DSCAM: variants seen among roughly 807,000 people sequenced by gnomAD.
DSCAM encodes the protein cell adhesion molecule DSCAM.
Under a neutral mutation model 217.7 loss-of-function variants are expected in DSCAM, and 47 were observed. That is an observed-to-expected ratio of 0.22 (90% confidence interval 0.17 to 0.28). DSCAM has a LOEUF of 0.28. DSCAM is among the 10% of genes least tolerant of loss of function. The probability of loss-of-function intolerance (pLI) is 1.00; values close to 1 mark genes in which losing one functional copy is unlikely to be tolerated. For missense variants in DSCAM, 2,080 were observed against 2,618.3 expected (o/e 0.79, Z 4.49); for synonymous variants, 1,056 against 1,015.3 (o/e 1.04, Z -0.76).
intron 1 of DSCAM, among the ~76,000 whole-genome samples, chr21:40,772,177 T>C (rs1323020091): frequency 6.6e-6 from 1 of 152,142 alleles, no homozygotes; most frequent in Non-Finnish European, 1.5e-5. Flanking sequence ...TTTCTGTTTT[T>C]TTCTTTTTGA....
At chr21:40,058,375 G>C (rs750182944) in intron 28 of DSCAM, among the ~76,000 whole-genome samples, 1 of 152,066 alleles carries the variant, frequency 6.6e-6, no homozygotes, top group Non-Finnish European at 1.5e-5. Context: ...AATTTTGTCT[G>C]CTTGGCACTT....
At chr21:40,256,972 A>C (rs2073380998) in intron 11 of DSCAM, among the ~76,000 whole-genome samples, 1 of 152,226 alleles carries the variant, frequency 6.6e-6, no homozygotes, top group Non-Finnish European at 1.5e-5. Flanking sequence ...TCCCTAAAAG[A>C]AAAGCAAAGT....
intron 1 of DSCAM, among the ~76,000 whole-genome samples, chr21:40,767,248 C>T (rs771530212): frequency 2.0e-5 from 3 of 152,068 alleles, no homozygotes; most frequent in Non-Finnish European, 2.9e-5. Flanking sequence ...AGCAGGGTTG[C>T]CTTCTTCAGG....
At chr21:40,767,845 A>T (rs2091407417) in intron 1 of DSCAM, among the ~76,000 whole-genome samples, 1 of 151,666 alleles carries the variant, frequency 6.6e-6, no homozygotes, top group African/African-American at 2.4e-5. Flanking sequence ...TTGCCAGTTT[A>T]GTCAGTTATG....
intron 1 of DSCAM, among the ~76,000 whole-genome samples, chr21:40,829,615 A>G (rs1444177123): frequency 6.6e-6 from 1 of 152,158 alleles, no homozygotes; most frequent in Non-Finnish European, 1.5e-5. Flanking sequence ...TTGGCGTTGG[A>G]GTCAGCTGTC....
intron 24 of DSCAM, 36 bp downstream of exon 24, chr21:40,083,872 C>A (rs756748919): frequency 1.9e-6 from 3 of 1,543,930 alleles, no homozygotes; most frequent in Non-Finnish European, 2.7e-6. Context: ...GATCACACAA[C>A]TAATCAACTA....
chr21:40,171,628 A>G (rs2090659230), intron 15 of DSCAM, among the ~76,000 whole-genome samples: 1 of 151,710 alleles, frequency 6.6e-6, no homozygotes, highest in Non-Finnish European at 1.5e-5. Flanking sequence ...TTTAATTTGT[A>G]CAAACACACA....
chr21:40,634,115 TAA>T (rs781626579), intron 3 of DSCAM, among the ~76,000 whole-genome samples: 20 of 152,328 alleles, frequency 1.3e-4, no homozygotes, highest in South Asian at 4.1e-4. Context: ...ACACAACATA[TAA>T]GTCTCTTTAT....
intron 3 of DSCAM, among the ~76,000 whole-genome samples, chr21:40,454,232 C>T (rs1046784022): frequency 2.0e-5 from 3 of 152,120 alleles, no homozygotes; most frequent in Non-Finnish European, 2.9e-5. Flanking sequence ...TTATGAAAGG[C>T]AGTATAATGA....
At chr21:40,322,776 C>T (rs1569063058) in intron 8 of DSCAM, among the ~76,000 whole-genome samples, 2 of 152,166 alleles carry the variant, frequency 1.3e-5, no homozygotes, top group African/African-American at 2.4e-5. Context: ...TTACCCGCCT[C>T]GGCCTCCCAA....
At chr21:40,570,065 T>A (rs149802067) in intron 3 of DSCAM, among the ~76,000 whole-genome samples, 1 of 152,156 alleles carries the variant, frequency 6.6e-6, no homozygotes, top group East Asian at 1.9e-4. Context: ...GGGCAGTCCA[T>A]TGATGCAAAA....
rs1238118364 is a variant in DSCAM at position 40,506,340 on chromosome 21, G to C, written c.509-137095C>G. 3.9e-5 allele frequency among the ~76,000 whole-genome samples: 6 copies of C among 152,308 alleles called. No individual in the cohort carries two copies. The East Asian group carries it at 5.8e-4, about 15-fold the overall frequency. ...GGTTAGATGCCATTTCTCAGAATGT[G>C]CTACTGCCTGGGACGTCCATGATGA... On this transcript the variant is annotated intron_variant, in intron 3 of 32. Transcript: ENST00000400454.
intron 3 of DSCAM, among the ~76,000 whole-genome samples, chr21:40,489,509 T>G (rs1257862997): frequency 6.6e-6 from 1 of 152,006 alleles, no homozygotes; most frequent in Non-Finnish European, 1.5e-5. Context: ...GCGCGGTGGC[T>G]CACGCCTGTA....
intron 5 of DSCAM, among the ~76,000 whole-genome samples, chr21:40,350,951 C>G (rs1219202855): frequency 7.8e-6 from 1 of 128,942 alleles, no homozygotes; most frequent in Admixed American, 9.3e-5. Context: ...TGCAGTGGCA[C>G]AATCATACAG....
chr21:40,596,029 G>C (rs1365381425), intron 3 of DSCAM, among the ~76,000 whole-genome samples: 2 of 152,134 alleles, frequency 1.3e-5, no homozygotes, highest in African/African-American at 4.8e-5. Context: ...CTTTGCGCAA[G>C]AACTAGCACA....
At chr21:40,198,117 A>G (rs78069192) in intron 11 of DSCAM, among the ~76,000 whole-genome samples, 3,462 of 152,262 alleles carry the variant, frequency 0.023, 66 homozygotes, top group African/African-American at 0.048. Flanking sequence ...CATCTCCCGC[A>G]AGCCTATTGC....
At chr21:40,512,152 G>T (rs536896224) in intron 3 of DSCAM, among the ~76,000 whole-genome samples, 1 of 152,204 alleles carries the variant, frequency 6.6e-6, no homozygotes, top group East Asian at 1.9e-4. Flanking sequence ...ACGTAGCAGT[G>T]ATCTTTCCCT....
At chr21:40,149,426 C>T (rs1444890921) in intron 16 of DSCAM, among the ~76,000 whole-genome samples, 3 of 138,632 alleles carry the variant, frequency 2.2e-5, no homozygotes, top group Admixed American at 1.4e-4. Flanking sequence ...CCATCACTAT[C>T]CCAACACCAA....
At chr21:40,766,197 G>A (rs2091387234) in intron 1 of DSCAM, among the ~76,000 whole-genome samples, 1 of 152,246 alleles carries the variant, frequency 6.6e-6, no homozygotes, top group African/African-American at 2.4e-5. Flanking sequence ...AAGCACTGCT[G>A]GTAAGATTGC....
Sources: gnomAD v4.1 joint callset for allele counts (sites outside exome capture counted in the v4.1 genomes callset) on GRCh38, gnomAD v4.1.1 for gene constraint, MANE v1.5 for transcripts, NCBI Gene and HGNC (gene_info 2026-07-23, HGNC 2026-07-21) for gene names.